Variants in MAN2A2 observed in about 807,000 individuals in gnomAD.
MAN2A2 encodes mannosidase alpha class 2A member 2, also known as alpha-mannosidase 2x.
Under a neutral mutation model 126.8 loss-of-function variants are expected in MAN2A2, and 79 were observed. That is an observed-to-expected ratio of 0.62 (90% CI 0.52 to 0.75). The LOEUF (loss-of-function observed/expected upper bound fraction) is 0.75. Among genes scored for constraint, MAN2A2 ranks in the 30% least tolerant of loss-of-function variants. The pLI is 0.00. For synonymous variants in MAN2A2, 671 were observed against 618.7 expected (o/e 1.08, Z -1.25); for missense variants, 1,392 against 1,522.4 (o/e 0.91, Z 1.43).
At chr15:90,919,272 G>A (rs941440026) in intron 22 of MAN2A2, among the ~76,000 whole-genome samples, 8 of 152,344 alleles carry the variant, frequency 5.3e-5, no homozygotes, top group African/African-American at 1.9e-4. Flanking sequence ...GTTGCTGAGA[G>A]GGGCCAGCCG....
intron 1 of MAN2A2, chr15:90,903,865 G>A (rs570169220): frequency 1.6e-4 from 63 of 388,606 alleles, no homozygotes; most frequent in African/African-American, 1.3e-3. Context: ...GCACATGGCC[G>A]AGGAGCCTGA....
intron 10 of MAN2A2, 83 bp downstream of exon 10, chr15:90,910,375 G>A: frequency 1.3e-6 from 2 of 1,578,150 alleles, no homozygotes; most frequent in Non-Finnish European, 1.7e-6. Context: ...GCTCAGAAGG[G>A]AATAGATAGG....
Position 90,919,659 on chromosome 15 carries a change from G to A in MAN2A2, c.3325G>A (p.Gly1109Ser), listed in dbSNP as rs1008378128. 5 of 1,614,048 alleles carry A rather than the reference G, an allele frequency of 3.1e-6. No individual in the cohort carries two copies. The African/African-American group carries it at 6.7e-5, about 22-fold the overall frequency. Residue 1109 changes from glycine to serine, a missense_variant, in exon 23 of 23, where the codon GGC becomes AGC. Coordinates refer to ENST00000559717, the MANE Select transcript of MAN2A2 (RefSeq NM_006122.4). ...GGTAGCCCTGGGCAGCCTTTTCCAT[G>A]GCCTGGATGTGGTATTCCTTCAGCC... is the stretch of plus-strand genomic sequence containing the variant. Reference protein sequence around the residue: ...GKVALGSLFHGLDVVFLQPTS... With the variant: ...GKVALGSLFHSLDVVFLQPTS...
intron 8 of MAN2A2, 77 bp downstream of exon 8, chr15:90,907,572 G>C: frequency 7.2e-7 from 1 of 1,398,270 alleles, no homozygotes; most frequent in Non-Finnish European, 9.7e-7. Flanking sequence ...CACGTGGAGG[G>C]TGGGCTCAGG....
chr15:90,906,684 G>A lies in MAN2A2; in HGVS notation c.836-56G>A. The A allele has an allele frequency of 3.8e-6, 6 of 1,594,060 alleles. No homozygotes were observed. In the South Asian group the frequency reaches 6.6e-5, roughly 18 times the overall value. On this transcript the variant is annotated intron_variant, in intron 6 of 22. Transcript: ENST00000559717. The stretch of plus-strand genomic sequence containing the variant: ...TGGGGTCCCAGCACCTGGAAGGCCG[G>A]GGGGCCAGCCCCTGAGGTGTGTTCA...
chr15:90,913,019 G>C, intron 17 of MAN2A2, 28 bp downstream of exon 17: 2 of 1,577,086 alleles, frequency 1.3e-6, no homozygotes, highest in South Asian at 2.2e-5. Context: ...GGAAGGGTCT[G>C]GAAGGAGGTG....
At position 90,905,430 on chromosome 15, in the gene MAN2A2, C is replaced by T. The variant is rs779079949; in HGVS notation, c.312C>T (p.Pro104=). 4 of 1,613,824 alleles carry T rather than the reference C, an allele frequency of 2.5e-6. No individual in the cohort carries two copies. Among genetic ancestry groups the T allele is most frequent in the South Asian group, 2.2e-5 (2 of 91,078 alleles). ...GCTCCTGGGTGGTGCCACCGGAGCC[C>T]CGGCCCAGCTTCTTCTCCATCTCCC... ...VNGSWVVPPE[P]RPSFFSISPQ... The change falls in exon 3 of 23, where the codon CCC becomes CCT. Residue 104 remains proline (P), a synonymous_variant. Transcript: ENST00000559717.
intron 22 of MAN2A2, among the ~76,000 whole-genome samples, chr15:90,919,310 G>T (rs1241171302): frequency 1.3e-5 from 2 of 152,246 alleles, no homozygotes; most frequent in Non-Finnish European, 2.9e-5. Flanking sequence ...CGTGATCGCA[G>T]CTCACTGCAA....
Position 90,905,644 on chromosome 15 carries a change from C to G in MAN2A2, c.456C>G (p.Phe152Leu), listed in dbSNP as rs928315533. 2 of 1,614,014 alleles carry G rather than the reference C, an allele frequency of 1.2e-6. No homozygotes were observed. The highest frequency in any genetic ancestry group is 1.7e-6 in the Non-Finnish European group (2 of 1,180,044). ...NVDGGVWRQGFDISYDPHDWD... is the reference protein window; with the variant it reads ...NVDGGVWRQGLDISYDPHDWD... ...ATGGTGGTGTGTGGAGGCAAGGCTT[C>G]GACATCTCCTACGACCCGCACGACT... The change falls in exon 4 of 23, where the codon TTC becomes TTG. Residue 152 changes from phenylalanine to leucine, a missense_variant. Transcript: ENST00000559717.
At chr15:90,904,016 G>A in intron 1 of MAN2A2, 174 bp from the exon 2 acceptor site, 1 of 703,106 alleles carries the variant, frequency 1.4e-6, no homozygotes, top group Non-Finnish European at 2.6e-6. Context: ...CCTAGCGGCA[G>A]AGCTGCTACC....
At position 90,921,048 on chromosome 15, in the gene MAN2A2, A is replaced by G. The variant is rs1281748261; in HGVS notation, c.*1261A>G. On this transcript the variant is annotated 3_prime_UTR_variant, in exon 23 of 23. Transcript: ENST00000559717. ...AGAGTCAGACGCCACAGGCATTCCC[A>G]TTAAAGTCAGAAACTAGCCAAGGGC... 1 of 152,220 alleles carries G rather than the reference A, an allele frequency of 6.6e-6. No homozygotes were observed. Among genetic ancestry groups the G allele is most frequent in the Non-Finnish European group, 1.5e-5 (1 of 68,044 alleles). 9.4% of individuals were successfully genotyped at this position (152,220 alleles called of 1,614,324 possible). A position where few individuals can be genotyped will look rare whatever the true frequency, so the allele number is the denominator to read the frequency against.
rs764470576 is a variant in MAN2A2, at chr15:90,904,353, G to A, written c.132+14G>A. The stretch of plus-strand genomic sequence containing the variant: ...AACTTCCCCCGGGTGAGTCGTGCCT[G>A]GTTGCTAATTTCTTTGTATACAAGT... On this transcript the variant is annotated intron_variant, in intron 2 of 22. Coordinates refer to ENST00000559717, the MANE Select transcript of MAN2A2 (RefSeq NM_006122.4). The A allele has an allele frequency of 7.4e-6, 12 of 1,611,102 alleles. No individual in the cohort carries two copies. The highest frequency in any genetic ancestry group is 1.0e-5 in the Non-Finnish European group (12 of 1,177,904).
chr15:90,910,826 C>A (rs1211335649), intron 11 of MAN2A2, 21 bp from the exon 12 acceptor site: 12 of 1,608,874 alleles, frequency 7.5e-6, no homozygotes, highest in African/African-American at 1.3e-5. Context: ...TCTCTCCTTC[C>A]CTCTCCTGCG....
In MAN2A2 at chr15:90,913,262, C is replaced by A. The variant is rs777113838; in HGVS notation, c.2585-11C>A. The A allele has an allele frequency of 1.2e-6, 2 of 1,613,274 alleles. No individual in the cohort carries two copies. The highest frequency in any genetic ancestry group is 2.2e-5 in the South Asian group (2 of 91,006). ...CACCTGTCCATGCCCCCACTTTGTT[C>A]CTGTACCCAGGGGTGGAGGGGCTGT... On this transcript the variant is annotated splice_polypyrimidine_tract_variant and intron_variant, in intron 17 of 22. Transcript: ENST00000559717.
intron 5 of MAN2A2, among the ~76,000 whole-genome samples, 160 bp downstream of exon 5, chr15:90,906,176 G>C (rs775429694): frequency 6.6e-5 from 10 of 152,194 alleles, no homozygotes; most frequent in African/African-American, 9.7e-5. Context: ...AAAACAGATA[G>C]GTTCCGAGAT....
chr15:90,918,012 G>A (rs534546723), intron 20 of MAN2A2, among the ~76,000 whole-genome samples, 182 bp from the exon 21 acceptor site: 4 of 152,262 alleles, frequency 2.6e-5, no homozygotes, highest in Admixed American at 2.0e-4. Context: ...TAGGGGAGAC[G>A]GCAAATGTCC....
Position 90,910,955 on chromosome 15 carries a change from C to T in MAN2A2, c.1869C>T (p.Leu623=), listed in dbSNP as rs1200884329. 1.9e-6 allele frequency: 3 copies of T among 1,613,456 alleles called. No homozygotes were observed. The highest frequency in any genetic ancestry group is 2.5e-6 in the Non-Finnish European group (3 of 1,179,544). ...TYHFDPEAPF[L]QVDDTRLSHD... is the part of the protein sequence containing the mutation. ...ACTTTGACCCTGAGGCGCCCTTCCT[C>T]CAAGTGGTGAGCCCCTCCTGGGTCT... Residue 623 remains leucine, a synonymous_variant, in exon 12 of 23, where the codon CTC becomes CTT. Transcript: ENST00000559717.
rs1343603845 is a variant in MAN2A2, at chr15:90,916,276, C to G, written c.2994+20C>G. 23 of 1,610,682 alleles carry G rather than the reference C, an allele frequency of 1.4e-5. No individual in the cohort carries two copies. Among genetic ancestry groups the G allele is most frequent in the Non-Finnish European group, 1.9e-5 (22 of 1,177,892 alleles). On this transcript the variant is annotated intron_variant, in intron 20 of 22. Coordinates refer to ENST00000559717, the MANE Select transcript of MAN2A2 (RefSeq NM_006122.4). ...AGTGAGGTAACATCTGGGGCTGACG[C>G]CCAGGGAGCCAGGTCTGGCTAGTCC...
chr15:90,916,094 G>T (rs374342720), intron 19 of MAN2A2, 29 bp from the exon 20 acceptor site: 65 of 1,608,886 alleles, frequency 4.0e-5, no homozygotes, highest in Non-Finnish European at 5.1e-5. Flanking sequence ...GGGTGGGGGC[G>T]GGCCAGCACT....
Sources: gnomAD v4.1 joint callset for allele counts (sites outside exome capture counted in the v4.1 genomes callset) on GRCh38, gnomAD v4.1.1 for gene constraint, MANE v1.5 for transcripts, NCBI Gene and HGNC (gene_info 2026-07-23, HGNC 2026-07-21) for gene names.